Variants in TCF4 observed in about 807,000 individuals in gnomAD.
TCF4 encodes the protein transcription factor 4, also known as SL3-3 enhancer factor 2.
A neutral mutation model predicts 82.1 loss-of-function variants in TCF4; 3 were observed. The ratio of observed to expected loss-of-function variants is 0.04; its 90% confidence interval spans 0.02 to 0.09. TCF4 has a LOEUF of 0.09. TCF4 is among the 10% of genes least tolerant of loss of function. TCF4 has a pLI of 1.00. For synonymous variants in TCF4, 276 were observed against 309.6 expected, an observed-to-expected ratio of 0.89 and a Z score of 1.14; for missense variants, 518 against 852.7, an observed-to-expected ratio of 0.61 and a Z score of 4.89.
At chr18:55,273,906 C>A (rs1031431150) in intron 10 of TCF4, among the ~76,000 whole-genome samples, 1 of 152,088 alleles carries the variant, frequency 6.6e-6, no homozygotes, top group Admixed American at 6.6e-5. Flanking sequence ...ACTTCCCATG[C>A]AGTGAACTGG....
chr18:55,292,693 T>C (rs1020260790), intron 8 of TCF4, among the ~76,000 whole-genome samples: 7 of 118,254 alleles, frequency 5.9e-5, no homozygotes, highest in African/African-American at 1.9e-4. Context: ...TAAATAGACA[T>C]GAATGTGTGT....
chr18:55,477,928 C>T (rs1046405720), intron 3 of TCF4, among the ~76,000 whole-genome samples: 3 of 152,026 alleles, frequency 2.0e-5, no homozygotes, highest in Non-Finnish European at 4.4e-5. Flanking sequence ...AGTGGAATAC[C>T]GGTCAGAAAG....
At chr18:55,375,367 C>T (rs1160484471) in intron 6 of TCF4, among the ~76,000 whole-genome samples, 3 of 152,088 alleles carry the variant, frequency 2.0e-5, no homozygotes, top group African/African-American at 7.2e-5. Context: ...TTTGAACACA[C>T]ACATTCATTT....
chr18:55,315,545 A>C (rs766055430), intron 8 of TCF4, among the ~76,000 whole-genome samples: 1 of 152,166 alleles, frequency 6.6e-6, no homozygotes, highest in Non-Finnish European at 1.5e-5. Context: ...AAAGTCTCCA[A>C]AGTTTAAGTG....
At chr18:55,274,039 C>G (rs538535837) in intron 10 of TCF4, among the ~76,000 whole-genome samples, 2 of 152,028 alleles carry the variant, frequency 1.3e-5, no homozygotes, top group Non-Finnish European at 2.9e-5. Context: ...ACTGAAATTC[C>G]AACATGCGGT....
chr18:55,435,401 C>G (rs1270123054), intron 5 of TCF4, among the ~76,000 whole-genome samples: 1 of 152,240 alleles, frequency 6.6e-6, no homozygotes, highest in Non-Finnish European at 1.5e-5. Flanking sequence ...ACACATACTT[C>G]TGACCCATTT....
intron 8 of TCF4, among the ~76,000 whole-genome samples, chr18:55,287,088 G>T (rs577593329): frequency 6.6e-6 from 1 of 152,104 alleles, no homozygotes; most frequent in South Asian, 2.1e-4. Flanking sequence ...AAAAAAAAGA[G>T]TATTTCACAA....
Position 55,455,529 on chromosome 18 carries a change from G to GAA in TCF4, c.304+5488_304+5489dup, listed in dbSNP as rs201720174. Among the ~76,000 whole-genome samples, 102 of 116,876 alleles carry GAA rather than the reference G, an allele frequency of 8.7e-4. 1 individual carries two copies. The highest frequency in any genetic ancestry group is 7.0e-3 in the South Asian group (25 of 3,556). The allele number at this position is 116,876 out of a possible 152,430, so 76.7% of individuals were successfully genotyped here. A position where few individuals can be genotyped will look rare whatever the true frequency, so the allele number is the denominator to read the frequency against. ...AACATCAAGCTGAAAGGTGTTATTG[G>GAA]AAAAAAAAAAAAAAAAAAGAAGCAC... is the stretch of plus-strand genomic sequence containing the variant. On this transcript the variant is annotated intron_variant, in intron 5 of 19. Coordinates refer to ENST00000354452, the MANE Select transcript of TCF4 (RefSeq NM_001083962.2).
At chr18:55,454,096 C>T (rs989603842) in intron 5 of TCF4, among the ~76,000 whole-genome samples, 22 of 152,052 alleles carry the variant, frequency 1.4e-4, no homozygotes, top group African/African-American at 5.1e-4. Flanking sequence ...CACTTGGGCT[C>T]GAGCAATCCT....
intron 3 of TCF4, chr18:55,547,066 C>T (rs1478974048): frequency 1.3e-5 from 2 of 152,344 alleles, no homozygotes; most frequent in East Asian, 3.9e-4. Flanking sequence ...ACAGATTCCC[C>T]ACAGCTGTTG....
At position 55,226,038 on chromosome 18, in the gene TCF4, A is replaced by C. The variant is rs1376708242; in HGVS notation, c.*1997T>G. On this transcript the variant is annotated 3_prime_UTR_variant, in exon 20 of 20. Transcript: ENST00000354452. ...ACCACAGTTTTTAAAAAAAAACAAA[A>C]ACTGATACAATGTATTAAAACACAT... 1 of 152,558 alleles carries C rather than the reference A, an allele frequency of 6.6e-6. No individual in the cohort carries two copies. Among genetic ancestry groups the C allele is most frequent in the Non-Finnish European group, 1.5e-5 (1 of 68,010 alleles). 9.5% of individuals were successfully genotyped at this position (152,558 alleles called of 1,614,324 possible). A position where few individuals can be genotyped will look rare whatever the true frequency, so the allele number is the denominator to read the frequency against.
At chr18:55,507,558 G>A (rs190637224) in intron 3 of TCF4, among the ~76,000 whole-genome samples, 7 of 152,056 alleles carry the variant, frequency 4.6e-5, no homozygotes, top group South Asian at 2.1e-4. Context: ...TAAGGGGGGC[G>A]GGGGGACTAC....
At chr18:55,450,618 T>G (rs1262058947) in intron 5 of TCF4, among the ~76,000 whole-genome samples, 3 of 152,164 alleles carry the variant, frequency 2.0e-5, no homozygotes, top group South Asian at 2.1e-4. Flanking sequence ...GAGGCAACAT[T>G]CTATACCAAG....
chr18:55,607,439 T>C (rs1568489265), intron 2 of TCF4, among the ~76,000 whole-genome samples: 1 of 152,166 alleles, frequency 6.6e-6, no homozygotes, highest in Non-Finnish European at 1.5e-5. Context: ...ATCCAAAAAA[T>C]GATAATTTCT....
intron 8 of TCF4, among the ~76,000 whole-genome samples, chr18:55,305,021 G>A (rs2069763568): frequency 6.6e-6 from 1 of 152,108 alleles, no homozygotes; most frequent in Non-Finnish European, 1.5e-5. Context: ...TAAAAACAAT[G>A]AGGAAAGAAA....
At chr18:55,456,992 T>C (rs2095770059) in intron 5 of TCF4, among the ~76,000 whole-genome samples, 1 of 152,196 alleles carries the variant, frequency 6.6e-6, no homozygotes, top group South Asian at 2.1e-4. Flanking sequence ...TATAAAACAA[T>C]GCATGGAATT....
At chr18:55,273,559 C>A (rs2060833007) in intron 10 of TCF4, among the ~76,000 whole-genome samples, 1 of 152,188 alleles carries the variant, frequency 6.6e-6, no homozygotes, top group African/African-American at 2.4e-5. Context: ...AGTACAATGA[C>A]AACTAGATAT....
intron 1 of TCF4, among the ~76,000 whole-genome samples, chr18:55,635,358 A>C (rs2097735287): frequency 6.6e-6 from 1 of 152,064 alleles, no homozygotes; most frequent in African/African-American, 2.4e-5. Context: ...AAAATACAGA[A>C]GTTAGCCGGG....
intron 3 of TCF4, among the ~76,000 whole-genome samples, chr18:55,512,983 G>A (rs2096843599): frequency 6.6e-6 from 1 of 152,156 alleles, no homozygotes; most frequent in Non-Finnish European, 1.5e-5. Context: ...GATCAGGCCA[G>A]TGAATAACTG....
Sources: gnomAD v4.1 joint callset for allele counts (sites outside exome capture counted in the v4.1 genomes callset) on GRCh38, gnomAD v4.1.1 for gene constraint, MANE v1.5 for transcripts, NCBI Gene and HGNC (gene_info 2026-07-23, HGNC 2026-07-21) for gene names.